PDE4B: variants seen among roughly 807,000 people sequenced by gnomAD.
PDE4B encodes phosphodiesterase 4B.
PDE4B carries 20 observed loss-of-function variants against 82.2 expected under a neutral mutation model. The observed-to-expected ratio is 0.24, with a 90% confidence interval of 0.17 to 0.35. The LOEUF (loss-of-function observed/expected upper bound fraction) is 0.35. PDE4B is among the 10% of genes least tolerant of loss of function. PDE4B has a pLI of 1.00. For missense variants in PDE4B, 655 were observed against 907.2 expected, an observed-to-expected ratio of 0.72 and a Z score of 3.57; for synonymous variants, 320 against 318.9, an observed-to-expected ratio of 1.00 and a Z score of -0.04.
In PDE4B at chr1:65,887,421, T is replaced by TG. The variant is rs1288807373; in HGVS notation, c.-70-25824_-70-25823insG. ...TCTTTTTCTTTTTCTTCTGTTTTTT[T>TG]TTTTTTTTTTTTTTTTTACAGGGTC... On this transcript the variant is annotated intron_variant, in intron 1 of 16. Coordinates refer to ENST00000341517, the MANE Select transcript of PDE4B (RefSeq NM_002600.4). 6.4e-5 allele frequency among the ~76,000 whole-genome samples: 4 copies of TG among 62,954 alleles called. 1 individual carries two copies. The East Asian group carries it at 1.6e-3, about 25-fold the overall frequency. The allele number at this position is 62,954 out of a possible 152,430, so 41.3% of individuals were successfully genotyped here.
intron 1 of PDE4B, among the ~76,000 whole-genome samples, chr1:65,797,411 A>G (rs1158279768): frequency 6.6e-6 from 1 of 152,176 alleles, no homozygotes; most frequent in African/African-American, 2.4e-5. Flanking sequence ...GTTTCTATTT[A>G]AATCTTGTAT....
At chr1:65,808,360 G>A (rs1645780636) in intron 1 of PDE4B, among the ~76,000 whole-genome samples, 1 of 151,998 alleles carries the variant, frequency 6.6e-6, no homozygotes, top group African/African-American at 2.4e-5. Context: ...TGTAGAGACA[G>A]GGTCTTGCTA....
At chr1:65,943,371 A>G (rs1024529074) in intron 3 of PDE4B, among the ~76,000 whole-genome samples, 2 of 151,894 alleles carry the variant, frequency 1.3e-5, no homozygotes, top group African/African-American at 4.8e-5. Context: ...ATCTGTTTTT[A>G]TGACAGCACC....
At chr1:66,318,908 A>G (rs1481964019) in intron 7 of PDE4B, among the ~76,000 whole-genome samples, 1 of 152,212 alleles carries the variant, frequency 6.6e-6, no homozygotes, top group East Asian at 1.9e-4. Flanking sequence ...CCATATTGAT[A>G]GCACAGTGTA....
At chr1:66,331,525 G>T (rs759117702) in intron 7 of PDE4B, among the ~76,000 whole-genome samples, 2 of 152,150 alleles carry the variant, frequency 1.3e-5, no homozygotes, top group African/African-American at 2.4e-5. Context: ...TATGTAAAAA[G>T]AATTTTAATT....
intron 3 of PDE4B, among the ~76,000 whole-genome samples, chr1:66,093,851 C>G (rs1234103088): frequency 6.6e-6 from 1 of 151,996 alleles, no homozygotes; most frequent in African/African-American, 2.4e-5. Context: ...TTATGCCGCT[C>G]ATATCATTAA....
At chr1:66,064,064 A>T (rs1655718668) in intron 3 of PDE4B, among the ~76,000 whole-genome samples, 1 of 152,026 alleles carries the variant, frequency 6.6e-6, no homozygotes, top group South Asian at 2.1e-4. Flanking sequence ...TAATAAGATA[A>T]GTTGTGAACA....
At chr1:65,935,977 A>G (rs964936971) in intron 3 of PDE4B, among the ~76,000 whole-genome samples, 1 of 151,962 alleles carries the variant, frequency 6.6e-6, no homozygotes, top group Non-Finnish European at 1.5e-5. Flanking sequence ...AACAACAAAA[A>G]CACGTTGTAT....
chr1:65,898,657 A>ACC (rs981848725), intron 1 of PDE4B, among the ~76,000 whole-genome samples: 3 of 152,092 alleles, frequency 2.0e-5, no homozygotes, highest in African/African-American at 7.2e-5. Flanking sequence ...CCAGAAATAA[A>ACC]CCAAAATACT....
At chr1:66,221,001 A>AT (rs900160444) in intron 3 of PDE4B, among the ~76,000 whole-genome samples, 1 of 152,146 alleles carries the variant, frequency 6.6e-6, no homozygotes, top group African/African-American at 2.4e-5. Flanking sequence ...TTCAGTTAGG[A>AT]TTTTTTATTT....
chr1:65,832,835 A>G (rs1194280923), intron 1 of PDE4B, among the ~76,000 whole-genome samples: 1 of 152,206 alleles, frequency 6.6e-6, no homozygotes, highest in African/African-American at 2.4e-5. Flanking sequence ...CTGACTGAGT[A>G]TATTGCTCAT....
intron 3 of PDE4B, among the ~76,000 whole-genome samples, chr1:66,050,120 A>G (rs538390816): frequency 6.6e-6 from 1 of 152,240 alleles, no homozygotes; most frequent in East Asian, 1.9e-4. Flanking sequence ...CAAATTAAAG[A>G]ATACAGGATA....
chr1:66,030,482 G>A (rs1202808132), intron 3 of PDE4B, among the ~76,000 whole-genome samples: 2 of 152,088 alleles, frequency 1.3e-5, no homozygotes, highest in South Asian at 2.1e-4. Context: ...TCTGTTCTGG[G>A]GCTTCTTTTG....
At chr1:65,948,681 G>A (rs1295762588) in intron 3 of PDE4B, among the ~76,000 whole-genome samples, 4 of 152,062 alleles carry the variant, frequency 2.6e-5, no homozygotes, top group Non-Finnish European at 4.4e-5. Flanking sequence ...ATCCGATCAA[G>A]TTGGACTCAG....
At chr1:66,080,735 G>A (rs984708093) in intron 3 of PDE4B, among the ~76,000 whole-genome samples, 3 of 152,068 alleles carry the variant, frequency 2.0e-5, no homozygotes, top group Admixed American at 6.6e-5. Context: ...AATATTAAAT[G>A]TATTTTTCTT....
intron 3 of PDE4B, among the ~76,000 whole-genome samples, chr1:65,987,436 A>T (rs768938081): frequency 6.6e-6 from 1 of 152,122 alleles, no homozygotes; most frequent in African/African-American, 2.4e-5. Context: ...TAGCAATATG[A>T]CTGGATCACC....
intron 7 of PDE4B, chr1:66,266,716 G>T: frequency 1.9e-6 from 1 of 526,204 alleles, no homozygotes; most frequent in Non-Finnish European, 3.9e-6. Context: ...CTGCAGAGAG[G>T]AAGGGCCACC....
At chr1:66,367,882 T>TA (rs764288110) in intron 14 of PDE4B, 32 bp downstream of exon 14, 1 of 1,612,670 alleles carries the variant, frequency 6.2e-7, no homozygotes, top group Non-Finnish European at 8.5e-7. Context: ...ATTCCTCACT[T>TA]ACTGCCATTC....
chr1:66,033,990 G>C (rs1653939728), intron 3 of PDE4B, among the ~76,000 whole-genome samples: 1 of 152,070 alleles, frequency 6.6e-6, no homozygotes, highest in Non-Finnish European at 1.5e-5. Context: ...TATCCTGAAC[G>C]TGTCTTCTCA....
Sources: allele counts gnomAD v4.1 joint callset (sites outside exome capture counted in the v4.1 genomes callset), GRCh38; gene constraint gnomAD v4.1.1; transcripts MANE v1.5; gene names NCBI Gene and HGNC (gene_info 2026-07-23, HGNC 2026-07-21).